Variants in NDRG1 observed in about 807,000 individuals in gnomAD.
NDRG1 encodes N-myc downstream regulated 1.
Under a neutral mutation model 56.9 loss-of-function variants are expected in NDRG1, and 32 were observed. The observed-to-expected ratio is 0.56, with a 90% CI of 0.42 to 0.76. NDRG1 has a LOEUF of 0.76. NDRG1 is among the 30% of genes least tolerant of loss of function. NDRG1 has a pLI of 0.00. For missense variants in NDRG1, 507 were observed against 545.7 expected, an observed-to-expected ratio of 0.93 and a Z score of 0.71; for synonymous variants, 211 against 204.1, an observed-to-expected ratio of 1.03 and a Z score of -0.29.
At chr8:133,295,705 G>A (rs1020334753) in intron 1 of NDRG1, among the ~76,000 whole-genome samples, 25 of 152,248 alleles carry the variant, frequency 1.6e-4, no homozygotes, top group African/African-American at 5.3e-4. Context: ...AGAACAGGGG[G>A]TTTGTATTTA....
At chr8:133,280,393 T>A in intron 2 of NDRG1, 126 bp from the exon 3 acceptor site, 1 of 847,064 alleles carries the variant, frequency 1.2e-6, no homozygotes, top group Non-Finnish European at 1.9e-6. Flanking sequence ...GGGGTCTCCT[T>A]AATTCCTCAC....
At chr8:133,287,023 G>A (rs573418290) in intron 1 of NDRG1, among the ~76,000 whole-genome samples, 18 of 152,250 alleles carry the variant, frequency 1.2e-4, no homozygotes, top group African/African-American at 3.9e-4. Context: ...GGAGGAGAGC[G>A]GCTCCCTCAC....
At chr8:133,245,232 G>A (rs1007448557) in intron 13 of NDRG1, among the ~76,000 whole-genome samples, 7 of 152,128 alleles carry the variant, frequency 4.6e-5, no homozygotes, top group Non-Finnish European at 8.8e-5. Context: ...CCAGAATCAG[G>A]CCTAAGTGAG....
chr8:133,237,602 A>C lies in NDRG1; in HGVS notation c.*1276T>G. 1 of 233,212 alleles carries C rather than the reference A, an allele frequency of 4.3e-6. No homozygotes were observed. Among genetic ancestry groups the C allele is most frequent in the South Asian group, 1.8e-4 (1 of 5,532 alleles). The allele number at this position is 233,212 out of a possible 1,614,324, so 14.4% of individuals were successfully genotyped here. On this transcript the variant is annotated 3_prime_UTR_variant, in exon 16 of 16. Coordinates refer to ENST00000323851, the MANE Select transcript of NDRG1 (RefSeq NM_006096.4). ...TCGGCGAAAGGTTAGGGAGCAGGAA[A>C]AGAGGAAGCAGGAGAGGGAAGGAAA...
chr8:133,254,963 C>A (rs564829751), intron 8 of NDRG1: 12 of 343,826 alleles, frequency 3.5e-5, no homozygotes, highest in Admixed American at 2.4e-4. Flanking sequence ...ACTGAGCTCC[C>A]CAGTCTATAC....
chr8:133,248,694 G>T, intron 11 of NDRG1, 21 bp downstream of exon 11: 1 of 1,614,116 alleles, frequency 6.2e-7, no homozygotes, highest in Non-Finnish European at 8.5e-7. Flanking sequence ...GCAAGTGCTG[G>T]GGGAGAGAAA....
intron 9 of NDRG1, among the ~76,000 whole-genome samples, 188 bp downstream of exon 9, chr8:133,254,351 A>G (rs1184827633): frequency 6.6e-6 from 1 of 152,236 alleles, no homozygotes; most frequent in East Asian, 1.9e-4. Flanking sequence ...AAGACACATA[A>G]AAAAGAGAGA....
At chr8:133,289,944 G>A (rs946047116) in intron 1 of NDRG1, among the ~76,000 whole-genome samples, 2 of 152,176 alleles carry the variant, frequency 1.3e-5, no homozygotes, top group African/African-American at 4.8e-5. Flanking sequence ...CGTCTATGGA[G>A]ATCACGCTGT....
intron 3 of NDRG1, among the ~76,000 whole-genome samples, chr8:133,273,466 C>T (rs1037385160): frequency 1.3e-5 from 2 of 152,158 alleles, no homozygotes; most frequent in African/African-American, 4.8e-5. Flanking sequence ...CTCGTATCTT[C>T]AACATAAAAC....
intron 13 of NDRG1, among the ~76,000 whole-genome samples, chr8:133,245,999 C>T (rs1400892198): frequency 2.0e-5 from 3 of 152,198 alleles, no homozygotes; most frequent in African/African-American, 7.2e-5. Context: ...GCGAGGGAGC[C>T]GCCTCATCTC....
chr8:133,276,006 G>C (rs984771589), intron 3 of NDRG1, among the ~76,000 whole-genome samples: 6 of 152,206 alleles, frequency 3.9e-5, no homozygotes, highest in Non-Finnish European at 7.3e-5. Context: ...CAGGCACAAA[G>C]TGGGCATTTG....
At chr8:133,257,656 C>T (rs982312270) in intron 7 of NDRG1, among the ~76,000 whole-genome samples, 4 of 152,244 alleles carry the variant, frequency 2.6e-5, no homozygotes, top group East Asian at 3.9e-4. Context: ...CTGTCATTGA[C>T]CAAAATGTCA....
intron 1 of NDRG1, among the ~76,000 whole-genome samples, chr8:133,290,477 T>C (rs1858370305): frequency 1.3e-5 from 2 of 152,194 alleles, no homozygotes; most frequent in African/African-American, 4.8e-5. Flanking sequence ...GGTTAAGATG[T>C]GTGCCCCAAG....
intron 13 of NDRG1, 24 bp downstream of exon 13, chr8:133,246,592 G>A (rs199928064): frequency 1.1e-5 from 17 of 1,613,370 alleles, no homozygotes; most frequent in Non-Finnish European, 1.4e-5. Flanking sequence ...TAACAAACAC[G>A]AACCCCCACT....
At chr8:133,277,658 T>C (rs1563636733) in intron 3 of NDRG1, among the ~76,000 whole-genome samples, 1 of 152,234 alleles carries the variant, frequency 6.6e-6, no homozygotes, top group Non-Finnish European at 1.5e-5. Flanking sequence ...GACGGAACTG[T>C]ACATTTAAAA....
At chr8:133,262,318 T>A in intron 4 of NDRG1, 151 bp from the exon 5 acceptor site, 1 of 1,022,808 alleles carries the variant, frequency 9.8e-7, no homozygotes, top group Non-Finnish European at 1.4e-6. Context: ...TTTTTTGTTT[T>A]TTGGTTTTGT....
In NDRG1 at chr8:133,258,898, A is replaced by G. The variant is rs1856521347; in HGVS notation, c.389+270T>C. The G allele has an allele frequency of 5.4e-6, 3 of 556,340 alleles. No individual in the cohort carries two copies. In the Admixed American group the frequency reaches 9.1e-5, roughly 17 times the overall value. The allele number at this position is 556,340 out of a possible 1,614,324, so 34.5% of individuals were successfully genotyped here. A position where few individuals can be genotyped will look rare whatever the true frequency, so the allele number is the denominator to read the frequency against. On this transcript the variant is annotated intron_variant, in intron 6 of 15. Transcript: ENST00000323851. ...TCCATGGGAAAGAGAAGGGAATGGA[A>G]GAACAGGAGGCAAGAGCAAATGGGT...
Position 133,238,166 on chromosome 8 carries a change from T to C in NDRG1, c.*712A>G, listed in dbSNP as rs1300632477. On this transcript the variant is annotated 3_prime_UTR_variant, in exon 16 of 16. Transcript: ENST00000323851. ...CAACGTTTGCTGAAATATTTTTGTC[T>C]GTAAAGCCAGGAGATTTTGTCGCCT... 8.6e-6 allele frequency: 2 copies of C among 232,966 alleles called. No individual in the cohort carries two copies. The highest frequency in any genetic ancestry group is 4.4e-5 in the African/African-American group (2 of 45,316). 14.4% of individuals were successfully genotyped at this position (232,966 alleles called of 1,614,324 possible).
chr8:133,259,480 T>C (rs1856556496), intron 5 of NDRG1: 2 of 547,838 alleles, frequency 3.7e-6, no homozygotes, highest in Admixed American at 3.0e-5. Context: ...ACAATAACTC[T>C]AGGAGGCTGC....
Sources: allele counts gnomAD v4.1 joint callset (sites outside exome capture counted in the v4.1 genomes callset), GRCh38; gene constraint gnomAD v4.1.1; transcripts MANE v1.5; gene names NCBI Gene and HGNC (gene_info 2026-07-23, HGNC 2026-07-21).